Variants in IL17RD observed in about 807,000 individuals in gnomAD.
IL17RD encodes the protein interleukin-17 receptor D.
A neutral mutation model predicts 80.5 loss-of-function variants in IL17RD; 52 were observed. The observed-to-expected ratio is 0.65, with a 90% CI of 0.52 to 0.81. The LOEUF is 0.81. IL17RD is among the 40% of genes least tolerant of loss of function. The pLI is 0.00. For synonymous variants in IL17RD, 416 were observed against 391.8 expected (o/e 1.06, Z -0.73); for missense variants, 1,024 against 955.1 (o/e 1.07, Z -0.95).
chr3:57,102,573 G>A lies in IL17RD; in HGVS notation c.885C>T (p.Ala295=), dbSNP rs1450486934. The A allele has an allele frequency of 4.5e-6, 7 of 1,555,826 alleles. No individual in the cohort carries two copies. The highest frequency in any genetic ancestry group is 4.6e-5 in the East Asian group (2 of 43,558). Residue 295 remains alanine (A), a synonymous_variant, in exon 10 of 13, where the codon GCC becomes GCT. Coordinates refer to ENST00000296318, the MANE Select transcript of IL17RD (RefSeq NM_017563.5). ...TGATGGCCACGGCTCTGATGGGCCC[G>A]GCCCACGGGGAGTGCACTGGGAAAT... The part of the protein sequence containing the change: ...YALKPVHSPW[A]GPIRAVAITV...
chr3:57,134,352 G>A lies in IL17RD; in HGVS notation c.127-14039C>T, dbSNP rs1707675943. ...GGAAAACACCTTGGCCCGCTGGAAG[G>A]GCAGGCACATGGGCATAAGTAAGCG... On this transcript the variant is annotated intron_variant, in intron 1 of 12. Transcript: ENST00000296318. 4 of 694,802 alleles carry A rather than the reference G, an allele frequency of 5.8e-6. No homozygotes were observed. The East Asian group carries it at 8.0e-5, about 14-fold the overall frequency. The allele number at this position is 694,802 out of a possible 1,614,324, so 43.0% of individuals were successfully genotyped here. A position where few individuals can be genotyped will look rare whatever the true frequency, so the allele number is the denominator to read the frequency against.
rs375202836 is a variant in IL17RD, at chr3:57,092,364, G to C, written c.*4029C>G. The C allele has an allele frequency of 6.6e-6, 1 of 152,664 alleles. No individual in the cohort carries two copies. Among genetic ancestry groups the C allele is most frequent in the African/African-American group, 2.4e-5 (1 of 41,446 alleles). 9.5% of individuals were successfully genotyped at this position (152,664 alleles called of 1,614,324 possible). Reference sequence around the variant, plus strand: ...AGCACTTTGGGAGGCCGAGGCAAGCGGATCACCAGGTCAGGAGATCGAGAT... The same window carrying C: ...AGCACTTTGGGAGGCCGAGGCAAGCCGATCACCAGGTCAGGAGATCGAGAT... On this transcript the variant is annotated 3_prime_UTR_variant, in exon 13 of 13. Coordinates refer to ENST00000296318, the MANE Select transcript of IL17RD (RefSeq NM_017563.5).
chr3:57,090,919 G>C lies in IL17RD; in HGVS notation c.*5474C>G, dbSNP rs999547325. The C allele has an allele frequency of 1.1e-4, 17 of 152,274 alleles. No individual in the cohort carries two copies. The highest frequency in any genetic ancestry group is 4.1e-4 in the African/African-American group (17 of 41,558). 9.4% of individuals were successfully genotyped at this position (152,274 alleles called of 1,614,324 possible). A position where few individuals can be genotyped will look rare whatever the true frequency, so the allele number is the denominator to read the frequency against. Reference sequence around the variant, plus strand: ...TCTGATTGTGCAAAACGCAGTGCTTGGTCAATTGAGAGCAGAACATAAACA... The same window carrying C: ...TCTGATTGTGCAAAACGCAGTGCTTCGTCAATTGAGAGCAGAACATAAACA... On this transcript the variant is annotated 3_prime_UTR_variant, in exon 13 of 13. Coordinates refer to ENST00000296318, the MANE Select transcript of IL17RD (RefSeq NM_017563.5).
upstream of IL17RD, among the ~76,000 whole-genome samples, chr3:57,166,839 C>A (rs373082814): frequency 3.5e-4 from 53 of 152,286 alleles, no homozygotes; most frequent in South Asian, 6.6e-3. Flanking sequence ...CCTTCCAGGG[C>A]CCAGAATCCC....
rs1560190562 is a variant in IL17RD, at chr3:57,093,676, T to C, written c.*2717A>G. The C allele has an allele frequency of 6.6e-6, 1 of 152,248 alleles. No homozygotes were observed. The highest frequency in any genetic ancestry group is 1.5e-5 in the Non-Finnish European group (1 of 68,058). The allele number at this position is 152,248 out of a possible 1,614,324, so 9.4% of individuals were successfully genotyped here. On this transcript the variant is annotated 3_prime_UTR_variant, in exon 13 of 13. Transcript: ENST00000296318. The stretch of plus-strand genomic sequence containing the variant: ...TTGCCTCAAAGGCCCAAGACAGCCC[T>C]CTGGAGGAGCTTTGGCACCTTGTAT...
intron 1 of IL17RD, among the ~76,000 whole-genome samples, chr3:57,127,099 A>G (rs1414694120): frequency 6.7e-6 from 1 of 149,440 alleles, no homozygotes; most frequent in Non-Finnish European, 1.5e-5. Context: ...TGCTGGTATT[A>G]CAGGCATGAG....
At chr3:57,162,086 C>T (rs1269793165) in intron 1 of IL17RD, among the ~76,000 whole-genome samples, 7 of 152,370 alleles carry the variant, frequency 4.6e-5, no homozygotes, top group East Asian at 3.9e-4. Flanking sequence ...CCCATGGCTC[C>T]TCTGGGAGCA....
upstream of IL17RD, among the ~76,000 whole-genome samples, chr3:57,166,280 A>G (rs2060347796): frequency 2.0e-5 from 3 of 152,078 alleles, no homozygotes; most frequent in African/African-American, 7.2e-5. Flanking sequence ...GGCTTTTTCT[A>G]CTTCTGACTT....
intron 4 of IL17RD, 91 bp from the exon 5 acceptor site, chr3:57,109,748 C>A: frequency 7.9e-7 from 1 of 1,259,342 alleles, no homozygotes; most frequent in South Asian, 1.4e-5. Context: ...AACTGCCACC[C>A]AGACACAACT....
chr3:57,132,537 A>G (rs756990368), intron 1 of IL17RD, among the ~76,000 whole-genome samples: 1 of 152,222 alleles, frequency 6.6e-6, no homozygotes, highest in Non-Finnish European at 1.5e-5. Flanking sequence ...TCTCCATTTT[A>G]AATATAATTA....
intron 8 of IL17RD, among the ~76,000 whole-genome samples, chr3:57,104,091 T>C (rs918883360): frequency 6.6e-6 from 1 of 152,202 alleles, no homozygotes; most frequent in African/African-American, 2.4e-5. Flanking sequence ...TATTAAGGAA[T>C]ACTAGAGATT....
At chr3:57,160,844 C>T (rs368677480) in intron 1 of IL17RD, among the ~76,000 whole-genome samples, 3 of 152,226 alleles carry the variant, frequency 2.0e-5, no homozygotes, top group African/African-American at 7.2e-5. Flanking sequence ...CCACCTCACT[C>T]TCACTCTGAT....
At chr3:57,151,725 T>C (rs2060223902) in intron 1 of IL17RD, among the ~76,000 whole-genome samples, 1 of 152,096 alleles carries the variant, frequency 6.6e-6, no homozygotes, top group Non-Finnish European at 1.5e-5. Flanking sequence ...GCCCTTCCCA[T>C]TGACTGCCAG....
At chr3:57,105,764 A>C in intron 7 of IL17RD, 93 bp downstream of exon 7, 1 of 1,022,890 alleles carries the variant, frequency 9.8e-7, no homozygotes, top group Non-Finnish European at 1.4e-6. Context: ...GAGCCAACAA[A>C]GCCTAATGCT....
At chr3:57,099,107 C>T (rs1046799448) in intron 11 of IL17RD, among the ~76,000 whole-genome samples, 3 of 152,210 alleles carry the variant, frequency 2.0e-5, no homozygotes, top group Non-Finnish European at 4.4e-5. Context: ...GGGGACCTAT[C>T]TCGACACTCT....
At chr3:57,161,630 C>T (rs1579326506) in intron 1 of IL17RD, among the ~76,000 whole-genome samples, 2 of 152,130 alleles carry the variant, frequency 1.3e-5, no homozygotes, top group Admixed American at 1.3e-4. Flanking sequence ...GTTCCCTCCT[C>T]CCCCACTGCA....
chr3:57,145,599 A>G (rs951175683), intron 1 of IL17RD, among the ~76,000 whole-genome samples: 2 of 152,326 alleles, frequency 1.3e-5, no homozygotes, highest in South Asian at 4.1e-4. Flanking sequence ...AAGTGAGATG[A>G]AAAACAGACA....
intron 1 of IL17RD, among the ~76,000 whole-genome samples, chr3:57,158,395 TTAAA>T (rs1330375996): frequency 1.1e-4 from 17 of 152,274 alleles, no homozygotes; most frequent in African/African-American, 4.1e-4. Flanking sequence ...TGAATGCTTC[TTAAA>T]TAAGCACAGT....
chr3:57,146,283 C>T (rs1181179659), intron 1 of IL17RD, among the ~76,000 whole-genome samples: 1 of 152,098 alleles, frequency 6.6e-6, no homozygotes, highest in Non-Finnish European at 1.5e-5. Context: ...AACATCTTCC[C>T]TAACACTCTC....
Sources: allele counts gnomAD v4.1 joint callset (sites outside exome capture counted in the v4.1 genomes callset), GRCh38; gene constraint gnomAD v4.1.1; transcripts MANE v1.5; gene names NCBI Gene and HGNC (gene_info 2026-07-23, HGNC 2026-07-21).